The following ETFDH variants were observed in gnomAD, a reference collection of about 807,000 sequenced individuals.
ETFDH encodes the protein electron transfer flavoprotein dehydrogenase.
ETFDH carries 61 observed loss-of-function variants against 73.2 expected under a neutral mutation model. The observed-to-expected ratio is 0.83, with a 90% CI of 0.68 to 1.03. The LOEUF (loss-of-function observed/expected upper bound fraction) is 1.03, where lower values mean the gene tolerates loss of function less well. Ranked by LOEUF, ETFDH falls within the 50% of genes least tolerant of loss-of-function variation. The pLI, the probability that ETFDH is intolerant of heterozygous loss-of-function variation, is 0.00. For missense variants in ETFDH, 685 were observed against 745.0 expected (o/e 0.92, Z 0.94); for synonymous variants, 243 against 253.3 (o/e 0.96, Z 0.39).
rs761669036 is a variant in ETFDH, at chr4:158,708,505, G to A, written c.1832G>A (p.Gly611Glu). 7.4e-6 allele frequency: 12 copies of A among 1,613,630 alleles called. No individual in the cohort carries two copies. The Admixed American group carries it at 2.0e-4, about 27-fold the overall frequency. Residue 611 changes from glycine to glutamate, a missense_variant, in exon 13 of 13, where the codon GGA (glycine) becomes GAA (glutamate). This residue lies in a region of ETFDH where 201 missense variants were observed against 225.2 expected (regional missense o/e 0.89). Coordinates refer to ENST00000511912, the MANE Select transcript of ETFDH (RefSeq NM_004453.4). The stretch of plus-strand genomic sequence containing the variant: ...TGGGTGGTACCTGAAGGTGGAGGAG[G>A]ACCTGCTTACAATGGAATGTAAACT... ...INWVVPEGGG[G>E]PAYNGM
At chr4:158,672,556 G>T (rs1229398653) in intron 1 of ETFDH, 66 bp downstream of exon 1, 2 of 1,488,054 alleles carry the variant, frequency 1.3e-6, no homozygotes, top group Non-Finnish European at 1.9e-6. Context: ...GCCGGTCCTG[G>T]GGGCTGTAGG....
chr4:158,708,583 G>A lies in ETFDH; in HGVS notation c.*56G>A. On this transcript the variant is annotated 3_prime_UTR_variant, in exon 13 of 13. Transcript: ENST00000511912. ...GCAAGCTAACGTTAAAATGTTTAGAGATTAACAGATTTCAGAATGTCTTTC... is the reference window on the plus strand; with the variant it reads ...GCAAGCTAACGTTAAAATGTTTAGAAATTAACAGATTTCAGAATGTCTTTC... The A allele has an allele frequency of 7.3e-7, 1 of 1,374,090 alleles. No homozygotes were observed. The highest frequency in any genetic ancestry group is 1.0e-6 in the Non-Finnish European group (1 of 961,946). The allele number at this position is 1,374,090 out of a possible 1,614,324, so 85.1% of individuals were successfully genotyped here. A position where few individuals can be genotyped will look rare whatever the true frequency, so the allele number is the denominator to read the frequency against.
rs1254206549 is a variant in ETFDH, at chr4:158,708,608, CT to C, written c.*82del. ...GATTAACAGATTTCAGAATGTCTTTCTGCATATTACTGAACAGAATAGTCAC... is the reference window on the plus strand; with the variant it reads ...GATTAACAGATTTCAGAATGTCTTTCGCATATTACTGAACAGAATAGTCAC... On this transcript the variant is annotated 3_prime_UTR_variant, in exon 13 of 13. Coordinates refer to ENST00000511912, the MANE Select transcript of ETFDH (RefSeq NM_004453.4). 9.0e-7 allele frequency: 1 copy of C among 1,111,716 alleles called. No homozygotes were observed. The highest frequency in any genetic ancestry group is 1.5e-5 in the African/African-American group (1 of 64,752). The allele number at this position is 1,111,716 out of a possible 1,614,324, so 68.9% of individuals were successfully genotyped here. A position where few individuals can be genotyped will look rare whatever the true frequency, so the allele number is the denominator to read the frequency against.
At chr4:158,676,623 G>A (rs1181823745) in intron 1 of ETFDH, among the ~76,000 whole-genome samples, 2 of 152,224 alleles carry the variant, frequency 1.3e-5, no homozygotes, top group Non-Finnish European at 2.9e-5. Flanking sequence ...GAATGAACAA[G>A]GACTACTTGG....
chr4:158,693,856 A>G (rs567324812), intron 6 of ETFDH, among the ~76,000 whole-genome samples: 3 of 152,372 alleles, frequency 2.0e-5, no homozygotes, highest in Admixed American at 1.3e-4. Flanking sequence ...TTAAACATCG[A>G]CAAGAAAAAA....
rs878853082 is a variant in ETFDH at position 158,684,648 on chromosome 4, C to G, written c.462C>G (p.Tyr154Ter). Residue 154 changes from tyrosine (Y) to a stop codon, truncating the protein, a stop_gained, in exon 4 of 13, where the codon TAC (tyrosine) becomes TAG (stop). Transcript: ENST00000511912. LOFTEE classifies it high-confidence loss of function. Reference sequence around the variant, plus strand: ...GATTTGGAATTTTAACAGAGAAATACAGAATTCCTGTGCCAATTCTTCCAG... The same window carrying G: ...GATTTGGAATTTTAACAGAGAAATAGAGAATTCCTGTGCCAATTCTTCCAG... Reference protein sequence around the residue: ...EDRFGILTEKYRIPVPILPGL... With the variant: ...EDRFGILTEK 6.4e-7 allele frequency: 1 copy of G among 1,573,762 alleles called. No individual in the cohort carries two copies. Among genetic ancestry groups the G allele is most frequent in the Non-Finnish European group, 8.7e-7 (1 of 1,143,366 alleles).
intron 5 of ETFDH, among the ~76,000 whole-genome samples, chr4:158,686,481 A>T (rs1774007660): frequency 6.6e-6 from 1 of 152,236 alleles, no homozygotes; most frequent in African/African-American, 2.4e-5. Context: ...TAACGGTAGT[A>T]GACTGAGAGA....
At chr4:158,686,673 T>C (rs1426862285) in intron 5 of ETFDH, among the ~76,000 whole-genome samples, 4 of 152,180 alleles carry the variant, frequency 2.6e-5, no homozygotes, top group African/African-American at 4.8e-5. Flanking sequence ...ATTTCAGGTT[T>C]CTATGACTCA....
chr4:158,706,678 G>A lies in ETFDH; in HGVS notation c.1518G>A (p.Glu506=), dbSNP rs146882697. 9.7e-5 allele frequency: 156 copies of A among 1,614,128 alleles called. No homozygotes were observed. Among genetic ancestry groups the A allele is most frequent in the Admixed American group, 1.5e-4 (9 of 60,020 alleles). Reference sequence around the variant, plus strand: ...CAGCCAAGGATTGCACACCTATTGAGTATCCAAAACCCGATGGACAGATCA... The same window carrying A: ...CAGCCAAGGATTGCACACCTATTGAATATCCAAAACCCGATGGACAGATCA... The part of the protein sequence containing the change: ...LKPAKDCTPI[E]YPKPDGQISF... The change falls in exon 12 of 13, where the codon GAG becomes GAA. Residue 506 remains glutamate (E), a synonymous_variant. Coordinates refer to ENST00000511912, the MANE Select transcript of ETFDH (RefSeq NM_004453.4).
intron 6 of ETFDH, among the ~76,000 whole-genome samples, chr4:158,693,919 G>A (rs1774243582): frequency 6.6e-6 from 1 of 152,044 alleles, no homozygotes; most frequent in Non-Finnish European, 1.5e-5. Flanking sequence ...ATTCGTAGAA[G>A]AACAACTCCA....
chr4:158,674,601 C>T (rs1284017396), intron 1 of ETFDH, among the ~76,000 whole-genome samples: 1 of 152,096 alleles, frequency 6.6e-6, no homozygotes, highest in Non-Finnish European at 1.5e-5. Context: ...ATGCCTGGCC[C>T]CAGTGCTATA....
At chr4:158,691,348 G>A (rs139867356) in intron 6 of ETFDH, among the ~76,000 whole-genome samples, 248 of 152,052 alleles carry the variant, frequency 1.6e-3, no homozygotes, top group Middle Eastern at 0.01. Flanking sequence ...GTTTTGAGAC[G>A]GAGTTTCATT....
chr4:158,688,856 CTG>C (rs985092877), intron 5 of ETFDH, among the ~76,000 whole-genome samples: 5 of 152,282 alleles, frequency 3.3e-5, no homozygotes, highest in Non-Finnish European at 7.4e-5. Flanking sequence ...TACATGTTAA[CTG>C]TTTTTACTCT....
chr4:158,672,804 GGTTCTAATCTTCAAACCTCT>G (rs1355849864), intron 1 of ETFDH, among the ~76,000 whole-genome samples: 2 of 151,876 alleles, frequency 1.3e-5, no homozygotes, highest in Non-Finnish European at 2.9e-5. Flanking sequence ...CCCAAATCCT[GGTTCTAATCTTCAAACCTCT>G]GTTGGAAATG....
At chr4:158,697,172 G>A (rs1025532906) in intron 7 of ETFDH, among the ~76,000 whole-genome samples, 1 of 151,714 alleles carries the variant, frequency 6.6e-6, no homozygotes, top group African/African-American at 2.4e-5. Context: ...TTGGCTCACC[G>A]CAACTTCTGC....
Position 158,682,429 on chromosome 4 carries a change from G to GA in ETFDH, c.405+10dup, listed in dbSNP as rs777597609. 6.2e-7 allele frequency: 1 copy of GA among 1,608,690 alleles called. No individual in the cohort carries two copies. Among genetic ancestry groups the GA allele is most frequent in the African/African-American group, 1.3e-5 (1 of 74,904 alleles). ...CCAGACTGGAAAGAGAAGGGGGTAT[G>GA]AAAAATTGTTTTTTATACAAAGTCT... On this transcript the variant is annotated splice_donor_region_variant and intron_variant, in intron 3 of 12. Transcript: ENST00000511912.
chr4:158,691,450 G>A (rs141685305), intron 6 of ETFDH, among the ~76,000 whole-genome samples: 1,770 of 152,152 alleles, frequency 0.012, 27 homozygotes, highest in African/African-American at 0.038. Flanking sequence ...TCAGCCTCCC[G>A]AGTAGCTGGG....
intron 9 of ETFDH, 125 bp downstream of exon 9, chr4:158,699,255 A>G: frequency 1.2e-6 from 1 of 856,130 alleles, no homozygotes; most frequent in Non-Finnish European, 1.9e-6. Context: ...TAGAGTTTAT[A>G]AAACTGTGTC....
In ETFDH at chr4:158,699,029, G is replaced by T; in HGVS notation, c.1015G>T (p.Glu339Ter). The T allele has an allele frequency of 2.5e-6, 4 of 1,612,116 alleles. No homozygotes were observed. The highest frequency in any genetic ancestry group is 3.4e-6 in the Non-Finnish European group (4 of 1,178,170). The change falls in exon 9 of 13, where the codon GAG becomes TAG. Residue 339 changes from glutamate (E) to a stop codon, truncating the protein, a stop_gained. Transcript: ENST00000511912. LOFTEE classifies it high-confidence loss of function. ...YQNPYLSPFR[E>*]FQRWKHHPSI... ...GAATCCATACCTGAGTCCATTTAGA[G>T]AGTTCCAAAGGTGGAAACACCATCC...
Sources: gnomAD v4.1 joint callset for allele counts (sites outside exome capture counted in the v4.1 genomes callset) on GRCh38, gnomAD v4.1.1 for gene constraint, gnomAD v4.1.1 regional missense constraint, MANE v1.5 for transcripts, NCBI Gene and HGNC (gene_info 2026-07-23, HGNC 2026-07-21) for gene names.